Variants in SLC13A3 observed in about 807,000 individuals in gnomAD.
SLC13A3 encodes Na(+)/dicarboxylate cotransporter 3.
In SLC13A3, 40 loss-of-function variants were observed where a neutral mutation model predicts 59.0. The observed-to-expected ratio is 0.68, with a 90% CI of 0.53 to 0.88. The LOEUF (loss-of-function observed/expected upper bound fraction) is 0.88, where lower values mean the gene tolerates loss of function less well. SLC13A3 is among the 40% of genes least tolerant of loss of function. SLC13A3 has a pLI of 0.00. For missense variants in SLC13A3, 699 were observed against 783.2 expected (o/e 0.89, Z 1.28); for synonymous variants, 317 against 330.3 (o/e 0.96, Z 0.44).
intron 1 of SLC13A3, among the ~76,000 whole-genome samples, chr20:46,646,560 G>A (rs911203448): frequency 2.6e-5 from 4 of 152,108 alleles, no homozygotes; most frequent in Non-Finnish European, 5.9e-5. Flanking sequence ...CTTCACAAAT[G>A]AGACTCAGCC....
chr20:46,562,173 C>T (rs755164743), intron 12 of SLC13A3, among the ~76,000 whole-genome samples: 4 of 152,224 alleles, frequency 2.6e-5, no homozygotes, highest in Non-Finnish European at 4.4e-5. Flanking sequence ...AAATGATCTT[C>T]TACAGACAGA....
chr20:46,621,803 G>C (rs1029401582), intron 1 of SLC13A3, among the ~76,000 whole-genome samples: 1 of 152,166 alleles, frequency 6.6e-6, no homozygotes, highest in Non-Finnish European at 1.5e-5. Context: ...TTCAGGAACT[G>C]TTCTCCCTAC....
At chr20:46,658,344 G>T (rs1393660729) in intron 1 of SLC13A3, among the ~76,000 whole-genome samples, 1 of 152,122 alleles carries the variant, frequency 6.6e-6, no homozygotes, top group Admixed American at 6.6e-5. Context: ...CAAGCAATGG[G>T]GGTCAAAAGA....
intron 1 of SLC13A3, among the ~76,000 whole-genome samples, chr20:46,659,892 G>A (rs1227278089): frequency 6.6e-6 from 1 of 152,054 alleles, no homozygotes; most frequent in African/African-American, 2.4e-5. Flanking sequence ...TAGCTTATGA[G>A]AAATGACTGT....
rs1408913921 is a variant in SLC13A3, at chr20:46,563,441, G to A, written c.1605C>T (p.Ala535=). ...VSTPPNSIAF[A]SGHLLVKDMV... ...TGTCTTTGACCAGCAAGTGTCCAGA[G>A]GCGAAGGCGATGGAGTTGGGGGGCG... The change falls in exon 12 of 13, where the codon GCC becomes GCT. Residue 535 remains alanine, a synonymous_variant. Coordinates refer to ENST00000279027, the MANE Select transcript of SLC13A3 (RefSeq NM_022829.6). 1.2e-6 allele frequency: 2 copies of A among 1,614,150 alleles called. No individual in the cohort carries two copies. Among genetic ancestry groups the A allele is most frequent in the Non-Finnish European group, 1.7e-6 (2 of 1,180,020 alleles).
At chr20:46,571,582 C>T (rs905931016) in intron 10 of SLC13A3, among the ~76,000 whole-genome samples, 24 of 152,158 alleles carry the variant, frequency 1.6e-4, no homozygotes, top group East Asian at 3.9e-4. Context: ...ATTACGCACC[C>T]GGTGTCTTCT....
At chr20:46,651,794 G>C (rs1010766598), upstream of SLC13A3, among the ~76,000 whole-genome samples, 1 of 152,210 alleles carries the variant, frequency 6.6e-6, no homozygotes, top group African/African-American at 2.4e-5. Context: ...CTATTACCCG[G>C]GTTCAAATCC....
At chr20:46,656,081 T>A (rs1461966432), upstream of SLC13A3, among the ~76,000 whole-genome samples, 2 of 143,618 alleles carry the variant, frequency 1.4e-5, no homozygotes, top group African/African-American at 2.5e-5. Context: ...TATATACATA[T>A]ATATTATATA....
chr20:46,671,622 A>G (rs74831289), upstream of SLC13A3, among the ~76,000 whole-genome samples: 468 of 152,300 alleles, frequency 3.1e-3, 3 homozygotes, highest in African/African-American at 0.011. Context: ...ATTGGGAATA[A>G]CACCTGTGAA....
intron 9 of SLC13A3, 88 bp downstream of exon 9, chr20:46,583,484 G>A: frequency 2.6e-6 from 4 of 1,559,418 alleles, no homozygotes; most frequent in Non-Finnish European, 3.5e-6. Context: ...CGTGGTTAGT[G>A]CAGTGGGGGG....
At chr20:46,653,169 C>T (rs756160565), upstream of SLC13A3, among the ~76,000 whole-genome samples, 4 of 152,134 alleles carry the variant, frequency 2.6e-5, no homozygotes, top group East Asian at 3.9e-4. Flanking sequence ...TTGCCAGTTA[C>T]GCTGTTTGCA....
upstream of SLC13A3, among the ~76,000 whole-genome samples, chr20:46,655,830 T>C (rs574570137): frequency 6.5e-5 from 9 of 137,872 alleles, no homozygotes; most frequent in African/African-American, 2.4e-4. Flanking sequence ...ATATATACTA[T>C]ACAGTATATA....
chr20:46,674,600 C>CGTGT (rs1224790534), upstream of SLC13A3, among the ~76,000 whole-genome samples: 59 of 48,442 alleles, frequency 1.2e-3, no homozygotes, highest in South Asian at 2.9e-3. Context: ...CGCGCGCGCG[C>CGTGT]GCGCGTGTGT....
chr20:46,604,951 G>C (rs927126142), intron 3 of SLC13A3, among the ~76,000 whole-genome samples: 7 of 152,332 alleles, frequency 4.6e-5, no homozygotes, highest in Middle Eastern at 3.4e-3. Context: ...CCACCTGGGT[G>C]CTGTGCAGGT....
chr20:46,571,987 T>C (rs563154893), intron 10 of SLC13A3, among the ~76,000 whole-genome samples: 10 of 152,166 alleles, frequency 6.6e-5, no homozygotes, highest in Non-Finnish European at 1.3e-4. Context: ...CATTGTCCCA[T>C]ACAGCTTTCT....
chr20:46,589,122 T>C (rs905637463), intron 7 of SLC13A3, 38 bp downstream of exon 7: 2 of 1,574,206 alleles, frequency 1.3e-6, no homozygotes, highest in Non-Finnish European at 1.7e-6. Context: ...GAGCGTTTAA[T>C]ACTCAGCTCT....
At chr20:46,577,366 G>A (rs1354007214) in intron 9 of SLC13A3, among the ~76,000 whole-genome samples, 1 of 152,190 alleles carries the variant, frequency 6.6e-6, no homozygotes, top group Non-Finnish European at 1.5e-5. Context: ...GGGGATTCTT[G>A]GGCCAAATGC....
Position 46,585,330 on chromosome 20 carries a change from G to T in SLC13A3, c.1122-1661C>A, listed in dbSNP as rs2062179689. The T allele has an allele frequency of 6.0e-6, 6 of 1,000,118 alleles. No homozygotes were observed. The South Asian group carries it at 2.2e-4, about 36-fold the overall frequency. 62.0% of individuals were successfully genotyped at this position (1,000,118 alleles called of 1,614,324 possible). ...ATCTCTGGGCAGTGGGACATAAAGT[G>T]GATAAAGAGCCACTAACTTTTCCTT... On this transcript the variant is annotated intron_variant, in intron 8 of 12. Transcript: ENST00000279027.
chr20:46,593,590 C>T (rs1181847740), intron 5 of SLC13A3, among the ~76,000 whole-genome samples: 1 of 151,796 alleles, frequency 6.6e-6, no homozygotes, highest in East Asian at 1.9e-4. Flanking sequence ...TATAATTAGA[C>T]AAAATAAAAA....
Sources: gnomAD v4.1 joint callset for allele counts (sites outside exome capture counted in the v4.1 genomes callset) on GRCh38, gnomAD v4.1.1 for gene constraint, MANE v1.5 for transcripts, NCBI Gene and HGNC (gene_info 2026-07-23, HGNC 2026-07-21) for gene names.